ATG2B: variants seen among roughly 807,000 people sequenced by gnomAD.
ATG2B encodes the protein autophagy-related protein 2 homolog B.
Under a neutral mutation model 241.3 loss-of-function variants are expected in ATG2B, and 121 were observed. That is an observed-to-expected ratio of 0.50 (90% CI 0.43 to 0.58). The LOEUF (loss-of-function observed/expected upper bound fraction) is 0.58, where lower values mean the gene tolerates loss of function less well. Ranked by LOEUF, ATG2B falls within the 20% of genes least tolerant of loss-of-function variation. The probability of loss-of-function intolerance (pLI) is 0.00; values close to 1 mark genes in which losing one functional copy is unlikely to be tolerated. For missense variants in ATG2B, 2,306 were observed against 2,491.6 expected (o/e 0.93, Z 1.59); for synonymous variants, 858 against 876.6 (o/e 0.98, Z 0.37).
chr14:96,316,499 A>G lies in ATG2B; in HGVS notation c.3361+34T>C, dbSNP rs762099861. On this transcript the variant is annotated intron_variant, in intron 21 of 41. Coordinates refer to ENST00000359933, the MANE Select transcript of ATG2B (RefSeq NM_018036.7). The stretch of plus-strand genomic sequence containing the variant: ...TTAAACAAGAAATTTAAACATGTCT[A>G]AAGAGAAGAAACCAAGACACGTGTT... The G allele has an allele frequency of 3.8e-6, 6 of 1,593,848 alleles. No homozygotes were observed. In the East Asian group the frequency reaches 9.0e-5, roughly 24 times the overall value.
Position 96,294,402 on chromosome 14 carries a change from T to C in ATG2B, c.5426+558A>G, listed in dbSNP as rs1781772243. 2.6e-5 allele frequency among the ~76,000 whole-genome samples: 4 copies of C among 152,316 alleles called. No homozygotes were observed. In the South Asian group the frequency reaches 6.2e-4, roughly 24 times the overall value. On this transcript the variant is annotated intron_variant, in intron 36 of 41. Transcript: ENST00000359933. ...CAAACAGGTCTGTAAATGAGGAAACTGCAGTGTGCTGTGCTCGAGCTGGCC... is the reference window on the plus strand; with the variant it reads ...CAAACAGGTCTGTAAATGAGGAAACCGCAGTGTGCTGTGCTCGAGCTGGCC...
Position 96,305,727 on chromosome 14 carries a change from G to T in ATG2B, c.4595C>A (p.Thr1532Asn), listed in dbSNP as rs1886925695. ...GTGTAAGGGGGCTTTGCTCGTATCGGTCTTATTAACGGGCAGACTGAAATA... is the reference window on the plus strand; with the variant it reads ...GTGTAAGGGGGCTTTGCTCGTATCGTTCTTATTAACGGGCAGACTGAAATA... ...DNYFSLPVNK[T>N]DTSKAPLHFP... Residue 1532 changes from threonine (T) to asparagine (N), a missense_variant, in exon 31 of 42, where the codon ACC becomes AAC. Transcript: ENST00000359933. 4 of 1,614,172 alleles carry T rather than the reference G, an allele frequency of 2.5e-6. No individual in the cohort carries two copies. Among genetic ancestry groups the T allele is most frequent in the Non-Finnish European group, 3.4e-6 (4 of 1,180,014 alleles).
intron 34 of ATG2B, among the ~76,000 whole-genome samples, chr14:96,297,698 C>T (rs550548358): frequency 2.0e-5 from 3 of 152,096 alleles, no homozygotes; most frequent in Non-Finnish European, 4.4e-5. Flanking sequence ...CACCCGGCCA[C>T]TAATCACTAG....
chr14:96,358,139 A>C (rs1019740812), intron 1 of ATG2B, among the ~76,000 whole-genome samples: 4 of 152,178 alleles, frequency 2.6e-5, no homozygotes, highest in African/African-American at 9.7e-5. Flanking sequence ...AGCAGTGAAG[A>C]GTAATATTAA....
rs1394594324 is a variant in ATG2B, at chr14:96,279,415, A to ATTCATTCG, written c.*6339_*6340insCGAATGAA. ...CTCGGGTTCACTCACTCATTCATTC[A>ATTCATTCG]TTCATTCACTCATTCACCATTTGCT... On this transcript the variant is annotated 3_prime_UTR_variant, in exon 42 of 42. Coordinates refer to ENST00000359933, the MANE Select transcript of ATG2B (RefSeq NM_018036.7). 1 of 151,852 alleles carries ATTCATTCG rather than the reference A, an allele frequency of 6.6e-6. No individual in the cohort carries two copies. The highest frequency in any genetic ancestry group is 2.4e-5 in the African/African-American group (1 of 41,270). 9.4% of individuals were successfully genotyped at this position (151,852 alleles called of 1,614,324 possible). A position where few individuals can be genotyped will look rare whatever the true frequency, so the allele number is the denominator to read the frequency against.
intron 16 of ATG2B, among the ~76,000 whole-genome samples, chr14:96,323,624 T>C (rs1887513726): frequency 6.6e-6 from 1 of 152,188 alleles, no homozygotes; most frequent in South Asian, 2.1e-4. Context: ...TTACCAGGTG[T>C]GTATGAGCAA....
Position 96,305,702 on chromosome 14 carries a change from G to C in ATG2B, c.4620C>G (p.His1540Gln). ...CATAGCGAATCACAGGAATGGGAAAGTGTAAGGGGGCTTTGCTCGTATCGG... is the reference window on the plus strand; with the variant it reads ...CATAGCGAATCACAGGAATGGGAAACTGTAAGGGGGCTTTGCTCGTATCGG... ...NKTDTSKAPL[H>Q]FPIPVIRYVV... The change falls in exon 31 of 42, where the codon CAC becomes CAG. Residue 1540 changes from histidine (H) to glutamine (Q), a missense_variant. Around this residue, in one of 2 missense-constraint regions of ATG2B, gnomAD observed 1,927 missense variants for 2,011.2 expected, o/e 0.96. Transcript: ENST00000359933. The C allele has an allele frequency of 6.2e-7, 1 of 1,614,174 alleles. No individual in the cohort carries two copies. The highest frequency in any genetic ancestry group is 1.1e-5 in the South Asian group (1 of 91,086).
At position 96,293,721 on chromosome 14, in the gene ATG2B, C is replaced by A. The variant is rs531518243; in HGVS notation, c.5426+1239G>T. On this transcript the variant is annotated intron_variant, in intron 36 of 41. Coordinates refer to ENST00000359933, the MANE Select transcript of ATG2B (RefSeq NM_018036.7). ...CACTGATTAGGAGCCTTTGAGAGTA[C>A]AAATGAAAATCTATAAGCTATTCTC... 4.9e-4 allele frequency among the ~76,000 whole-genome samples: 75 copies of A among 152,082 alleles called. No individual in the cohort carries two copies. In the South Asian group the frequency reaches 0.015, roughly 31 times the overall value.
At chr14:96,334,965 C>T (rs1464516433) in intron 6 of ATG2B, among the ~76,000 whole-genome samples, 1 of 152,192 alleles carries the variant, frequency 6.6e-6, no homozygotes, top group Admixed American at 6.6e-5. Context: ...GGACCTTCTC[C>T]TCCAACACTG....
intron 34 of ATG2B, among the ~76,000 whole-genome samples, chr14:96,298,664 A>C (rs12435016): frequency 0.33 from 49,644 of 152,082 alleles, 9,205 homozygotes; most frequent in Non-Finnish European, 0.42. Context: ...ACAGGAAGCC[A>C]AGTACAATTC....
At position 96,289,936 on chromosome 14, in the gene ATG2B, G is replaced by C; in HGVS notation, c.5857-131C>G. 4.3e-6 allele frequency: 4 copies of C among 928,818 alleles called. No individual in the cohort carries two copies. The highest frequency in any genetic ancestry group is 6.3e-6 in the Non-Finnish European group (4 of 635,132). 57.5% of individuals were successfully genotyped at this position (928,818 alleles called of 1,614,324 possible). A position where few individuals can be genotyped will look rare whatever the true frequency, so the allele number is the denominator to read the frequency against. On this transcript the variant is annotated intron_variant, in intron 40 of 41. Coordinates refer to ENST00000359933, the MANE Select transcript of ATG2B (RefSeq NM_018036.7). This position sits in a 1 kb window ranked among gnomAD's most constrained non-coding sequence, Gnocchi z 4.3. ...CAAACCCTAATGAAGACACTTCTGC[G>C]TATCTGAATTCTTTACCACAAGAAT...
At position 96,303,135 on chromosome 14, in the gene ATG2B, C is replaced by T. The variant is rs1886839154; in HGVS notation, c.4963G>A (p.Ala1655Thr). The T allele has an allele frequency of 6.2e-7, 1 of 1,612,700 alleles. No individual in the cohort carries two copies. The highest frequency in any genetic ancestry group is 1.3e-5 in the African/African-American group (1 of 74,798). ...VQDLEIRDRL[A>T]TSQMNKFLYL... ...AAAAATTTATTCATTTGTGATGTTG[C>T]CAAACGATCTCGAATCTCAAGATCC... Residue 1655 changes from alanine (A) to threonine (T), a missense_variant, in exon 33 of 42, where the codon GCA becomes ACA. By Grantham distance (58) the Ala-to-Thr change is moderately conservative. Coordinates refer to ENST00000359933, the MANE Select transcript of ATG2B (RefSeq NM_018036.7).
chr14:96,328,807 C>T (rs199899345), intron 12 of ATG2B, 41 bp from the exon 13 acceptor site: 4 of 1,442,456 alleles, frequency 2.8e-6, no homozygotes, highest in African/African-American at 1.4e-5. Flanking sequence ...GTATTAATCA[C>T]AAGAATTTAC....
intron 6 of ATG2B, among the ~76,000 whole-genome samples, chr14:96,335,586 G>C (rs1887848710): frequency 6.6e-6 from 1 of 152,132 alleles, no homozygotes; most frequent in African/African-American, 2.4e-5. Context: ...CCATGTAGCA[G>C]ATCCAGAGCT....
At position 96,325,726 on chromosome 14, in the gene ATG2B, A is replaced by C; in HGVS notation, c.2360T>G (p.Leu787Arg). Residue 787 changes from leucine to arginine, a missense_variant, in exon 15 of 42, where the codon CTA (leucine) becomes CGA (arginine). Around this residue, in one of 2 missense-constraint regions of ATG2B, gnomAD observed 1,927 missense variants for 2,011.2 expected, o/e 0.96. Coordinates refer to ENST00000359933, the MANE Select transcript of ATG2B (RefSeq NM_018036.7). ...TCCTATAAATTCAGTCTTAAATTCTAGATCTGTGAAGGCTAAATAAAGGAT... is the reference window on the plus strand; with the variant it reads ...TCCTATAAATTCAGTCTTAAATTCTCGATCTGTGAAGGCTAAATAAAGGAT... ...KEILYLAFTD[L>R]EFKTEFIGGS... 6.2e-7 allele frequency: 1 copy of C among 1,613,868 alleles called. No individual in the cohort carries two copies. Among genetic ancestry groups the C allele is most frequent in the Non-Finnish European group, 8.5e-7 (1 of 1,179,902 alleles).
chr14:96,324,283 T>C (rs1224733966), intron 15 of ATG2B: 1 of 295,478 alleles, frequency 3.4e-6, no homozygotes, highest in Non-Finnish European at 6.2e-6. Flanking sequence ...TAAGTGCTAT[T>C]AGTGATTATT....
Position 96,334,476 on chromosome 14 carries a change from G to C in ATG2B, c.950C>G (p.Ser317Cys). ...AKLDVDGQID[S>C]IHLLLSPRQV... ...TCTTGGTGACAGGAGTAGATGAATA[G>C]AGTCTATCTGTCCATCAACATCCAA... Residue 317 changes from serine (S) to cysteine (C), a missense_variant, in exon 7 of 42, where the codon TCT becomes TGT. Ser to Cys is a moderately radical substitution (Grantham distance 112, BLOSUM62 -1). This residue lies in a region of ATG2B where 1,927 missense variants were observed against 2,011.2 expected (regional missense o/e 0.96). Transcript: ENST00000359933. The C allele has an allele frequency of 6.2e-7, 1 of 1,604,166 alleles. No individual in the cohort carries two copies. Among genetic ancestry groups the C allele is most frequent in the Non-Finnish European group, 8.5e-7 (1 of 1,176,146 alleles).
At chr14:96,308,872 C>T (rs1344425261) in intron 29 of ATG2B, among the ~76,000 whole-genome samples, 1 of 152,164 alleles carries the variant, frequency 6.6e-6, no homozygotes, top group African/African-American at 2.4e-5. Context: ...ACCTGGGTCC[C>T]TCTTTGCTTA....
chr14:96,359,220 A>C (rs113125646), intron 1 of ATG2B, among the ~76,000 whole-genome samples: 1 of 151,982 alleles, frequency 6.6e-6, no homozygotes, highest in African/African-American at 2.4e-5. Flanking sequence ...AAAAATACAA[A>C]AAGTAGCCAG....
Sources: allele counts gnomAD v4.1 joint callset (sites outside exome capture counted in the v4.1 genomes callset), GRCh38; gene constraint gnomAD v4.1.1; regional missense constraint gnomAD v4.1.1; non-coding constraint Gnocchi (gnomAD v3.1); transcripts MANE v1.5; gene names NCBI Gene and HGNC (gene_info 2026-07-23, HGNC 2026-07-21).